CNTN4: variants seen among roughly 807,000 people sequenced by gnomAD.
CNTN4 encodes contactin 4.
CNTN4 carries 77 observed loss-of-function variants against 122.5 expected under a neutral mutation model. The ratio of observed to expected loss-of-function variants is 0.63; its 90% confidence interval spans 0.52 to 0.76. CNTN4 has a LOEUF of 0.76. CNTN4 is among the 30% of genes least tolerant of loss of function. The pLI is 0.00. For synonymous variants in CNTN4, 512 were observed against 447.0 expected (o/e 1.15, Z -1.83); for missense variants, 1,256 against 1,259.1 (o/e 1.00, Z 0.04).
chr3:2,322,342 C>T (rs762910877), intron 2 of CNTN4, among the ~76,000 whole-genome samples: 1 of 152,076 alleles, frequency 6.6e-6, no homozygotes, highest in African/African-American at 2.4e-5. Flanking sequence ...AAACATAGGA[C>T]GGAATTTTAT....
intron 13 of CNTN4, among the ~76,000 whole-genome samples, chr3:2,962,728 T>C (rs2094874640): frequency 6.6e-6 from 1 of 152,186 alleles, no homozygotes; most frequent in Non-Finnish European, 1.5e-5. Flanking sequence ...CCTTACCAGA[T>C]TGAATCCAGT....
chr3:2,600,326 A>G (rs186670303), intron 4 of CNTN4, among the ~76,000 whole-genome samples: 4 of 152,004 alleles, frequency 2.6e-5, no homozygotes, highest in Middle Eastern at 3.4e-3. Flanking sequence ...TACATTAGGT[A>G]TGTCTCCTAA....
At chr3:3,034,127 ACACTGT>A (rs1699401827) in intron 16 of CNTN4, among the ~76,000 whole-genome samples, 1 of 152,160 alleles carries the variant, frequency 6.6e-6, no homozygotes, top group Non-Finnish European at 1.5e-5. Context: ...GTGCAGAGCA[ACACTGT>A]AACCTTCAAA....
intron 2 of CNTN4, among the ~76,000 whole-genome samples, chr3:2,116,751 C>G (rs940931754): frequency 1.3e-5 from 2 of 152,162 alleles, no homozygotes; most frequent in Admixed American, 6.5e-5. Context: ...TCTTGCTTCT[C>G]TATCCCCCCT....
At chr3:2,724,651 G>A (rs1401625288) in intron 4 of CNTN4, among the ~76,000 whole-genome samples, 2 of 152,182 alleles carry the variant, frequency 1.3e-5, no homozygotes, top group Non-Finnish European at 2.9e-5. Context: ...AAAGGCTCAT[G>A]AATATTAGTT....
At chr3:2,222,328 A>G (rs766143876) in intron 2 of CNTN4, among the ~76,000 whole-genome samples, 16 of 152,200 alleles carry the variant, frequency 1.1e-4, no homozygotes, top group Non-Finnish European at 2.2e-4. Flanking sequence ...TTTATATGAC[A>G]TGTCCACATT....
At chr3:2,512,830 C>A (rs954160209) in intron 3 of CNTN4, among the ~76,000 whole-genome samples, 1 of 152,084 alleles carries the variant, frequency 6.6e-6, no homozygotes, top group African/African-American at 2.4e-5. Context: ...TACAGTTTCC[C>A]TGAGTAGGCA....
intron 3 of CNTN4, among the ~76,000 whole-genome samples, chr3:2,517,651 C>T (rs944634094): frequency 4.6e-5 from 7 of 152,146 alleles, no homozygotes; most frequent in African/African-American, 7.2e-5. Flanking sequence ...AGATAAATAA[C>T]CTTGTCTGCT....
chr3:2,504,671 G>C (rs1388288437), intron 3 of CNTN4, among the ~76,000 whole-genome samples: 5 of 152,078 alleles, frequency 3.3e-5, no homozygotes, highest in Admixed American at 6.6e-5. Flanking sequence ...AGTTACAAAA[G>C]TAAAATAATA....
intron 2 of CNTN4, among the ~76,000 whole-genome samples, chr3:2,170,181 C>CGCG (rs2036425955): frequency 1.4e-5 from 2 of 138,060 alleles, no homozygotes; most frequent in African/African-American, 6.3e-5. Context: ...ATTAGCCGGG[C>CGCG]GTGGTGGCGG....
rs71058629 is a variant in CNTN4 at position 2,591,352 on chromosome 3, C to CTTTTT, written c.55+19820_55+19824dup. On this transcript the variant is annotated intron_variant, in intron 4 of 24. Transcript: ENST00000418658. ...CTTTGAAGAACTAGTAGATTTGTGA[C>CTTTTT]TTTTTTTTTTTTTTTTTTTTTTTTT... 1.9e-3 allele frequency among the ~76,000 whole-genome samples: 69 copies of CTTTTT among 36,386 alleles called. 13 individuals are homozygous for CTTTTT. The highest frequency in any genetic ancestry group is 5.9e-3 in the African/African-American group (61 of 10,286). The allele number at this position is 36,386 out of a possible 152,430, so 23.9% of individuals were successfully genotyped here. A position where few individuals can be genotyped will look rare whatever the true frequency, so the allele number is the denominator to read the frequency against.
intron 6 of CNTN4, among the ~76,000 whole-genome samples, chr3:2,763,856 C>A (rs1279828571): frequency 6.6e-6 from 1 of 151,988 alleles, no homozygotes; most frequent in Non-Finnish European, 1.5e-5. Flanking sequence ...TGTTTTTGTA[C>A]CAATACCATG....
chr3:2,835,300 A>G (rs1273194444), intron 7 of CNTN4, among the ~76,000 whole-genome samples: 3 of 152,202 alleles, frequency 2.0e-5, no homozygotes, highest in Non-Finnish European at 4.4e-5. Context: ...GTCATAGTAT[A>G]TAAAGCTAAA....
At chr3:2,831,304 A>C (rs1170761821) in intron 7 of CNTN4, among the ~76,000 whole-genome samples, 1 of 152,242 alleles carries the variant, frequency 6.6e-6, no homozygotes, top group Non-Finnish European at 1.5e-5. Flanking sequence ...TGGATAAAAA[A>C]CTTTTCAAAT....
intron 6 of CNTN4, among the ~76,000 whole-genome samples, chr3:2,786,222 C>G (rs1479433574): frequency 6.6e-6 from 1 of 152,162 alleles, no homozygotes; most frequent in Non-Finnish European, 1.5e-5. Flanking sequence ...GGATGCTGGA[C>G]AAGGACCTGA....
At chr3:2,617,781 G>A (rs1229876903) in intron 4 of CNTN4, among the ~76,000 whole-genome samples, 2 of 151,820 alleles carry the variant, frequency 1.3e-5, no homozygotes, top group Non-Finnish European at 2.9e-5. Flanking sequence ...GGAATACAAG[G>A]ATTCTTTCAT....
intron 2 of CNTN4, among the ~76,000 whole-genome samples, chr3:2,298,036 G>T (rs555799134): frequency 6.6e-6 from 1 of 152,208 alleles, no homozygotes; most frequent in South Asian, 2.1e-4. Flanking sequence ...CTGGTCATCT[G>T]TTATGTTAAG....
intron 6 of CNTN4, among the ~76,000 whole-genome samples, chr3:2,773,989 A>G (rs1413539005): frequency 6.6e-6 from 1 of 152,074 alleles, no homozygotes; most frequent in East Asian, 1.9e-4. Flanking sequence ...CGAACTTTGG[A>G]CCTCAAGTGA....
At chr3:2,705,143 C>T (rs941847390) in intron 4 of CNTN4, among the ~76,000 whole-genome samples, 5 of 151,164 alleles carry the variant, frequency 3.3e-5, no homozygotes, top group African/African-American at 7.3e-5. Context: ...CCGAGGCAGG[C>T]GGATCACGAG....
Sources: allele counts gnomAD v4.1 joint callset (sites outside exome capture counted in the v4.1 genomes callset), GRCh38; gene constraint gnomAD v4.1.1; transcripts MANE v1.5; gene names NCBI Gene and HGNC (gene_info 2026-07-23, HGNC 2026-07-21).